The following VIRMA variants were observed in gnomAD, a reference collection of about 807,000 sequenced individuals.
VIRMA encodes the protein vir like m6A methyltransferase associated, also known as protein virilizer homolog.
Under a neutral mutation model 182.4 loss-of-function variants are expected in VIRMA, and 65 were observed. The observed-to-expected ratio is 0.36, with a 90% CI of 0.29 to 0.44. The LOEUF (loss-of-function observed/expected upper bound fraction) is 0.44. Among genes scored for constraint, VIRMA ranks in the 20% least tolerant of loss-of-function variants. The pLI is 1.00. For synonymous variants in VIRMA, 709 were observed against 743.1 expected, an observed-to-expected ratio of 0.95 and a Z score of 0.75; for missense variants, 1,752 against 2,158.1, an observed-to-expected ratio of 0.81 and a Z score of 3.73.
chr8:94,511,282 A>G lies in VIRMA; in HGVS notation c.3293T>C (p.Val1098Ala). ...AGGAACCTTCAAGATTGAAGAAAGA[A>G]CTTCTTTTAACATTAAAGACCAAGT... Reference protein sequence around the residue: ...NNTWSLMLKEVLSSILKVPEG... With the variant: ...NNTWSLMLKEALSSILKVPEG... Residue 1098 changes from valine to alanine, a missense_variant, in exon 13 of 24, where the codon GTT becomes GCT. Val to Ala is a moderately conservative substitution (Grantham distance 64). Around this residue, in one of 11 missense-constraint regions of VIRMA, gnomAD observed 777 missense variants for 920.6 expected, o/e 0.84. Transcript: ENST00000297591. The G allele has an allele frequency of 6.2e-7, 1 of 1,613,852 alleles. No individual in the cohort carries two copies. Among genetic ancestry groups the G allele is most frequent in the Non-Finnish European group, 8.5e-7 (1 of 1,179,966 alleles).
chr8:94,542,119 C>T (rs940068738), intron 2 of VIRMA, among the ~76,000 whole-genome samples: 3 of 152,188 alleles, frequency 2.0e-5, no homozygotes, highest in African/African-American at 7.2e-5. Flanking sequence ...TATTCACACC[C>T]TATGTGGTAA....
chr8:94,537,911 GAC>G (rs571995387), intron 3 of VIRMA, among the ~76,000 whole-genome samples: 420 of 152,186 alleles, frequency 2.8e-3, no homozygotes, highest in Middle Eastern at 6.8e-3. Context: ...TGATATGAAA[GAC>G]ACACATAAAA....
chr8:94,490,298 T>C (rs1181783095), intron 22 of VIRMA: 5 of 516,108 alleles, frequency 9.7e-6, no homozygotes, highest in African/African-American at 3.8e-5. Context: ...CTTGTATTTA[T>C]GTGCCCTGGT....
At chr8:94,501,698 C>T (rs1200670635) in intron 16 of VIRMA, among the ~76,000 whole-genome samples, 1 of 152,142 alleles carries the variant, frequency 6.6e-6, no homozygotes, top group African/African-American at 2.4e-5. Flanking sequence ...TGGCTCACAC[C>T]TATAATCCCA....
chr8:94,542,008 T>C (rs944336105), intron 2 of VIRMA, among the ~76,000 whole-genome samples: 1 of 152,136 alleles, frequency 6.6e-6, no homozygotes, highest in Non-Finnish European at 1.5e-5. Context: ...TAACGGAAAA[T>C]GCAACAAATA....
intron 19 of VIRMA, among the ~76,000 whole-genome samples, 153 bp downstream of exon 19, chr8:94,495,578 A>G (rs1201299531): frequency 6.6e-6 from 1 of 150,718 alleles, no homozygotes; most frequent in African/African-American, 2.4e-5. Flanking sequence ...AAAAAAAACT[A>G]AAGAAGAATA....
At chr8:94,550,819 A>G (rs1395806138) in intron 1 of VIRMA, among the ~76,000 whole-genome samples, 1 of 151,852 alleles carries the variant, frequency 6.6e-6, no homozygotes, top group Non-Finnish European at 1.5e-5. Flanking sequence ...CCCGGGTGCT[A>G]GCAATTCTCC....
chr8:94,535,527 G>A (rs1328937029), intron 4 of VIRMA, among the ~76,000 whole-genome samples: 2 of 152,220 alleles, frequency 1.3e-5, no homozygotes, highest in African/African-American at 4.8e-5. Context: ...GCTCACGCCT[G>A]TAATTTCAGC....
rs1219260133 is a variant in VIRMA, at chr8:94,502,243, CAGG to C, written c.4098-2740_4098-2738del. The stretch of plus-strand genomic sequence containing the variant: ...CTTTTTCATGCAAATGAAGGAGGAT[CAGG>C]AGAAGTGCTTGAGCCCGGGAGGCGA... On this transcript the variant is annotated intron_variant, in intron 16 of 23. Coordinates refer to ENST00000297591, the MANE Select transcript of VIRMA (RefSeq NM_015496.5). Among the ~76,000 whole-genome samples, 4 of 152,064 alleles carry C rather than the reference CAGG, an allele frequency of 2.6e-5. No individual in the cohort carries two copies. In the South Asian group the frequency reaches 6.2e-4, roughly 24 times the overall value.
At chr8:94,542,987 C>A (rs1586112106) in intron 2 of VIRMA, among the ~76,000 whole-genome samples, 1 of 152,096 alleles carries the variant, frequency 6.6e-6, no homozygotes. Flanking sequence ...CAGCTCACCA[C>A]AACCTCCGCC....
intron 15 of VIRMA, among the ~76,000 whole-genome samples, chr8:94,508,799 T>A (rs148179027): frequency 6.6e-6 from 1 of 152,048 alleles, no homozygotes; most frequent in South Asian, 2.1e-4. Flanking sequence ...TGGGACTCTA[T>A]TCTGCCTGAA....
At chr8:94,543,078 C>G (rs1319393055) in intron 2 of VIRMA, among the ~76,000 whole-genome samples, 2 of 151,818 alleles carry the variant, frequency 1.3e-5, no homozygotes, top group Non-Finnish European at 2.9e-5. Context: ...CTGGCTAATT[C>G]TGTATTTTTA....
Position 94,496,692 on chromosome 8 carries a change from A to G in VIRMA, c.4231-212T>C, listed in dbSNP as rs962419360. 8 of 421,844 alleles carry G rather than the reference A, an allele frequency of 1.9e-5. No homozygotes were observed. In the East Asian group the frequency reaches 3.0e-4, roughly 16 times the overall value. The allele number at this position is 421,844 out of a possible 1,614,324, so 26.1% of individuals were successfully genotyped here. ...TCACAAAATATTTAAATAAGCAAAC[A>G]TATATTTTACTGGCACCAAGACTTT... On this transcript the variant is annotated intron_variant, in intron 17 of 23. Transcript: ENST00000297591.
Position 94,512,046 on chromosome 8 carries a change from G to C in VIRMA, c.2795C>G (p.Thr932Ser). ...AACATTACAGAGAACACGTAAGGCA[G>C]TGGTAAGGCCAACTCCTTCTGGGGT... is the stretch of plus-strand genomic sequence containing the variant. ...LMTPEGVGLT[T>S]ALRVLCNVAC... Residue 932 changes from threonine (T) to serine (S), a missense_variant, in exon 12 of 24, where the codon ACT becomes AGT. By Grantham distance (58) the Thr-to-Ser change is moderately conservative (BLOSUM62 1). Around this residue, in one of 11 missense-constraint regions of VIRMA, gnomAD observed 777 missense variants for 920.6 expected, o/e 0.84. Coordinates refer to ENST00000297591, the MANE Select transcript of VIRMA (RefSeq NM_015496.5). 1.3e-6 allele frequency: 2 copies of C among 1,531,292 alleles called. No homozygotes were observed. Among genetic ancestry groups the C allele is most frequent in the South Asian group, 2.6e-5 (2 of 76,360 alleles). 94.9% of individuals were successfully genotyped at this position (1,531,292 alleles called of 1,614,324 possible). A position where few individuals can be genotyped will look rare whatever the true frequency, so the allele number is the denominator to read the frequency against.
chr8:94,537,026 T>G (rs1815369145), intron 4 of VIRMA, 77 bp downstream of exon 4: 2 of 960,890 alleles, frequency 2.1e-6, no homozygotes, highest in East Asian at 2.4e-5. Context: ...GCAACACTGA[T>G]TTATGTGGAT....
chr8:94,514,454 A>G (rs1431887785), intron 11 of VIRMA, among the ~76,000 whole-genome samples: 1 of 152,226 alleles, frequency 6.6e-6, no homozygotes, highest in Non-Finnish European at 1.5e-5. Flanking sequence ...CCTCCACTGC[A>G]ATTATCTGGA....
Position 94,490,096 on chromosome 8 carries a change from G to GC in VIRMA, c.5141-15dup, listed in dbSNP as rs1371295521. 12 of 1,585,924 alleles carry GC rather than the reference G, an allele frequency of 7.6e-6. No homozygotes were observed. Among genetic ancestry groups the GC allele is most frequent in the Non-Finnish European group, 1.0e-5 (12 of 1,167,926 alleles). On this transcript the variant is annotated splice_polypyrimidine_tract_variant and intron_variant, in intron 22 of 23. Coordinates refer to ENST00000297591, the MANE Select transcript of VIRMA (RefSeq NM_015496.5). ...GACTGTAGTTTCCTAAACACAAACA[G>GC]CACAATCAAAATCACTTTTTTCACA... is the stretch of plus-strand genomic sequence containing the variant.
Position 94,501,963 on chromosome 8 carries a change from T to C in VIRMA, c.4098-2457A>G, listed in dbSNP as rs28852675. On this transcript the variant is annotated intron_variant, in intron 16 of 23. Coordinates refer to ENST00000297591, the MANE Select transcript of VIRMA (RefSeq NM_015496.5). ...TAAGTCCGTTTGTTCCAAGGTATAGTTCAAATCTATTGTTTCTTTGTTGAG... is the reference window on the plus strand; with the variant it reads ...TAAGTCCGTTTGTTCCAAGGTATAGCTCAAATCTATTGTTTCTTTGTTGAG... 4.9e-3 allele frequency among the ~76,000 whole-genome samples: 744 copies of C among 152,340 alleles called. 9 individuals carry two copies. The highest frequency in any genetic ancestry group is 0.017 in the African/African-American group (713 of 41,574).
chr8:94,536,673 G>T (rs1028918253), intron 4 of VIRMA, among the ~76,000 whole-genome samples: 2 of 152,168 alleles, frequency 1.3e-5, no homozygotes, highest in Non-Finnish European at 2.9e-5. Context: ...GGTGCTAGAA[G>T]AATCAGATAA....
Sources: gnomAD v4.1 joint callset for allele counts (sites outside exome capture counted in the v4.1 genomes callset) on GRCh38, gnomAD v4.1.1 for gene constraint, gnomAD v4.1.1 regional missense constraint, MANE v1.5 for transcripts, NCBI Gene and HGNC (gene_info 2026-07-23, HGNC 2026-07-21) for gene names.